Variants in SDHA observed in about 807,000 individuals in gnomAD.
SDHA encodes the protein succinate dehydrogenase [ubiquinone] flavoprotein subunit, mitochondrial.
SDHA carries 48 observed loss-of-function variants against 78.4 expected under a neutral mutation model. That is an observed-to-expected ratio of 0.61 (90% CI 0.49 to 0.78). The LOEUF (loss-of-function observed/expected upper bound fraction) is 0.78, where lower values mean the gene tolerates loss of function less well. Ranked by LOEUF, SDHA falls within the 30% of genes least tolerant of loss-of-function variation. SDHA has a pLI of 0.00. For missense variants in SDHA, 680 were observed against 892.7 expected (o/e 0.76, Z 3.04); for synonymous variants, 326 against 353.9 (o/e 0.92, Z 0.88).
intron 1 of SDHA, 89 bp downstream of exon 1, chr5:218,507 G>A (rs901531727): frequency 9.6e-7 from 1 of 1,037,580 alleles, no homozygotes; most frequent in African/African-American, 1.7e-5. Context: ...CGAGCGGAGC[G>A]GGCGCCGGGT....
chr5:260,657 G>C (rs367559826), downstream of SDHA, among the ~76,000 whole-genome samples: 6 of 8,490 alleles, frequency 7.1e-4, no homozygotes, highest in East Asian at 1.7e-3. Flanking sequence ...CCTCCCGTCA[G>C]AGCATTACCG....
chr5:223,710 A>G (rs1734843372), intron 2 of SDHA, 142 bp downstream of exon 2: 6 of 685,448 alleles, frequency 8.8e-6, no homozygotes, highest in South Asian at 4.8e-5. Flanking sequence ...AATTATTTTC[A>G]GTGTAATAAT....
At chr5:259,932 G>A (rs1579454582), downstream of SDHA, among the ~76,000 whole-genome samples, 2 of 41,280 alleles carry the variant, frequency 4.8e-5, no homozygotes, top group Non-Finnish European at 4.3e-5. Context: ...GAGCATTACC[G>A]TGTGAGCTCC....
At chr5:255,425 AT>A (rs1737121272) in intron 14 of SDHA, among the ~76,000 whole-genome samples, 1 of 151,304 alleles carries the variant, frequency 6.6e-6, no homozygotes, top group African/African-American at 2.4e-5. Context: ...GCACAAGTCT[AT>A]TTTTAATGTT....
At chr5:223,345 A>G (rs1458466760) in intron 1 of SDHA, 137 bp from the exon 2 acceptor site, 2 of 738,650 alleles carry the variant, frequency 2.7e-6, no homozygotes, top group Non-Finnish European at 5.0e-6. Context: ...AGAGGGTCCC[A>G]GCTGAGCTCT....
chr5:225,295 C>T (rs1237058655), intron 3 of SDHA, 124 bp from the exon 4 acceptor site: 1 of 1,271,112 alleles, frequency 7.9e-7, no homozygotes, highest in African/African-American at 1.5e-5. Flanking sequence ...GAGGTCAGCC[C>T]TCACTGGGAG....
intron 13 of SDHA, 26 bp from the exon 14 acceptor site, chr5:254,367 A>T (rs1283045189): frequency 6.4e-7 from 1 of 1,562,516 alleles, no homozygotes; most frequent in African/African-American, 1.4e-5. Flanking sequence ...GAGTAATAAG[A>T]AACGTGATGG....
intron 1 of SDHA, among the ~76,000 whole-genome samples, chr5:219,497 G>T (rs990464247): frequency 6.6e-6 from 1 of 152,204 alleles, no homozygotes; most frequent in Non-Finnish European, 1.5e-5. Context: ...CTGTAATTGT[G>T]CAATTTTCTC....
At chr5:243,271 C>T (rs1018165382) in intron 11 of SDHA, among the ~76,000 whole-genome samples, 3 of 152,202 alleles carry the variant, frequency 2.0e-5, no homozygotes, top group Admixed American at 6.5e-5. Context: ...ACCAGGTTCT[C>T]CTTTTGTAAC....
chr5:222,171 A>G (rs1264451894), intron 1 of SDHA, among the ~76,000 whole-genome samples: 8 of 152,292 alleles, frequency 5.3e-5, no homozygotes, highest in South Asian at 4.1e-4. Context: ...TGAAAAAAGA[A>G]AAAAGCTGAA....
chr5:258,188 TGG>T (rs1349721599), downstream of SDHA, among the ~76,000 whole-genome samples: 3 of 114,622 alleles, frequency 2.6e-5, 1 homozygote, highest in Admixed American at 1.7e-4. Context: ...AGAGCATTAC[TGG>T]GTGAGCTCCA....
the SDHA span, among the ~76,000 whole-genome samples, chr5:265,300 A>T: frequency 1.8e-4 from 28 of 152,220 alleles, no homozygotes; most frequent in African/African-American, 5.5e-4. Flanking sequence ...TGTTCCTTTC[A>T]CATAGACACA....
intron 7 of SDHA, among the ~76,000 whole-genome samples, chr5:232,278 T>G (rs1277727215): frequency 6.6e-6 from 1 of 152,174 alleles, no homozygotes; most frequent in Non-Finnish European, 1.5e-5. Flanking sequence ...TGGAGCAATC[T>G]TGACTCACTG....
At chr5:242,290 A>G (rs550460619) in intron 11 of SDHA, among the ~76,000 whole-genome samples, 1 of 152,226 alleles carries the variant, frequency 6.6e-6, no homozygotes, top group Admixed American at 6.5e-5. Flanking sequence ...CGCCCACGCT[A>G]GAAGGCTGTT....
chr5:253,662 T>C (rs1736994471), intron 13 of SDHA, among the ~76,000 whole-genome samples: 2 of 152,176 alleles, frequency 1.3e-5, no homozygotes, highest in South Asian at 4.1e-4. Flanking sequence ...CTCGAACTCC[T>C]GACCTCAAGT....
chr5:225,711 C>A, intron 4 of SDHA, 149 bp downstream of exon 4: 1 of 1,343,120 alleles, frequency 7.4e-7, no homozygotes, highest in African/African-American at 1.4e-5. Context: ...CCGTTATGAA[C>A]TATGCATTAT....
At chr5:228,396 T>C in intron 6 of SDHA, 63 bp downstream of exon 6, 1 of 1,503,526 alleles carries the variant, frequency 6.7e-7, no homozygotes, top group East Asian at 2.4e-5. Flanking sequence ...TTAGAGTTTC[T>C]TTATTTTAAT....
chr5:228,648 A>G (rs901128100), intron 6 of SDHA, among the ~76,000 whole-genome samples: 3 of 152,210 alleles, frequency 2.0e-5, no homozygotes, highest in African/African-American at 7.2e-5. Context: ...GTTTTCTGGC[A>G]AAATCTCTCT....
chr5:254,878 C>T (rs546733611), intron 14 of SDHA, among the ~76,000 whole-genome samples: 3 of 152,096 alleles, frequency 2.0e-5, no homozygotes, highest in Non-Finnish European at 2.9e-5. Flanking sequence ...ACCAGTCCCA[C>T]GTTAAGGGAG....
Sources: allele counts gnomAD v4.1 joint callset (sites outside exome capture counted in the v4.1 genomes callset), GRCh38; gene constraint gnomAD v4.1.1; transcripts MANE v1.5; gene names NCBI Gene and HGNC (gene_info 2026-07-23, HGNC 2026-07-21).